The following ATP13A5 variants were observed in gnomAD, a reference collection of about 807,000 sequenced individuals.
ATP13A5 encodes the protein probable cation-transporting ATPase 13A5.
Under a neutral mutation model 150.2 loss-of-function variants are expected in ATP13A5, and 149 were observed. The observed-to-expected ratio is 0.99, with a 90% CI of 0.87 to 1.14. The LOEUF (loss-of-function observed/expected upper bound fraction) is 1.14. Ranked by LOEUF, ATP13A5 falls within the 50% of genes most tolerant of loss-of-function variation. ATP13A5 has a pLI of 0.00. For missense variants in ATP13A5, 1,383 were observed against 1,449.3 expected, an observed-to-expected ratio of 0.95 and a Z score of 0.74; for synonymous variants, 497 against 522.2, an observed-to-expected ratio of 0.95 and a Z score of 0.66.
intron 27 of ATP13A5, among the ~76,000 whole-genome samples, chr3:193,284,060 G>T (rs1167695569): frequency 1.3e-5 from 2 of 150,900 alleles, no homozygotes; most frequent in East Asian, 3.9e-4. Context: ...TTGCTCTGTT[G>T]CCCAGGCTGG....
chr3:193,288,732 ACAAAG>A (rs1391035262), intron 26 of ATP13A5, among the ~76,000 whole-genome samples: 3 of 152,088 alleles, frequency 2.0e-5, no homozygotes, highest in Non-Finnish European at 2.9e-5. Flanking sequence ...TTCCATAGTC[ACAAAG>A]CATTTTTACA....
At chr3:193,378,228 A>G (rs529961859) in intron 1 of ATP13A5, among the ~76,000 whole-genome samples, 1 of 152,250 alleles carries the variant, frequency 6.6e-6, no homozygotes, top group South Asian at 2.1e-4. Flanking sequence ...TGCGCTTATA[A>G]AAAGCATGAC....
chr3:193,315,117 C>A, intron 17 of ATP13A5, 21 bp from the exon 18 acceptor site: 1 of 1,603,396 alleles, frequency 6.2e-7, no homozygotes, highest in Non-Finnish European at 8.5e-7. Flanking sequence ...AGGAGAAAAT[C>A]AATATTAAAG....
At chr3:193,313,832 G>T in intron 19 of ATP13A5, 1 of 581,506 alleles carries the variant, frequency 1.7e-6, no homozygotes, top group Non-Finnish European at 3.0e-6. Flanking sequence ...GGTGCAGCCT[G>T]CACTGGAAGC....
At chr3:193,326,613 A>G (rs1719474675) in intron 13 of ATP13A5, among the ~76,000 whole-genome samples, 1 of 152,198 alleles carries the variant, frequency 6.6e-6, no homozygotes, top group Non-Finnish European at 1.5e-5. Flanking sequence ...TGTGTTGTAC[A>G]TCAAAGGTGG....
chr3:193,331,077 A>G, intron 12 of ATP13A5, 46 bp downstream of exon 12: 1 of 1,567,646 alleles, frequency 6.4e-7, no homozygotes, highest in South Asian at 1.2e-5. Flanking sequence ...CAGCTCCACC[A>G]TGCCTTGAAA....
At chr3:193,340,855 A>G (rs972460405) in intron 9 of ATP13A5, among the ~76,000 whole-genome samples, 1 of 152,188 alleles carries the variant, frequency 6.6e-6, no homozygotes, top group Non-Finnish European at 1.5e-5. Flanking sequence ...TCAGCTCCAC[A>G]AGGGCAGAAA....
At chr3:193,311,974 C>T (rs1219821523) in intron 19 of ATP13A5, 33 bp from the exon 20 acceptor site, 3 of 1,609,664 alleles carry the variant, frequency 1.9e-6, no homozygotes, top group African/African-American at 2.7e-5. Flanking sequence ...TCTACATTGA[C>T]TCCTAAGGAG....
chr3:193,276,354 TCTC>T (rs1446527198), intron 29 of ATP13A5, among the ~76,000 whole-genome samples: 2 of 152,214 alleles, frequency 1.3e-5, no homozygotes, highest in Non-Finnish European at 2.9e-5. Context: ...AGCAACGGCT[TCTC>T]CTCTTTCTTA....
chr3:193,321,762 G>A lies in ATP13A5; in HGVS notation c.1834C>T (p.Gln612Ter), dbSNP rs139981143. ...TGGAAATGATTCTCCCCAGCTAGCT[G>A]AGCGATCACGGACATCCTCTGCAGG... Reference protein sequence around the residue: ...SSLQRMSVIAQLAGENHFHVY... With the variant: ...SSLQRMSVIA Residue 612 changes from glutamine (Q) to a stop codon, truncating the protein, a stop_gained, in exon 16 of 30, where the codon CAG becomes TAG. Transcript: ENST00000342358. LOFTEE classifies it high-confidence loss of function. 58 of 1,614,066 alleles carry A rather than the reference G, an allele frequency of 3.6e-5. No homozygotes were observed. The highest frequency in any genetic ancestry group is 4.8e-5 in the Non-Finnish European group (57 of 1,180,034).
intron 20 of ATP13A5, 140 bp from the exon 21 acceptor site, chr3:193,310,857 G>A: frequency 1.8e-6 from 1 of 545,382 alleles, no homozygotes; most frequent in Non-Finnish European, 3.2e-6. Flanking sequence ...ATACCAGGAA[G>A]GGAAATAAGG....
chr3:193,287,969 G>A (rs562485508), intron 26 of ATP13A5, among the ~76,000 whole-genome samples: 1 of 152,208 alleles, frequency 6.6e-6, no homozygotes, highest in South Asian at 2.1e-4. Context: ...TGACTTTTTG[G>A]GGTTCAAGAC....
At position 193,364,533 on chromosome 3, in the gene ATP13A5, T is replaced by G. The variant is rs1009384909; in HGVS notation, c.64-253A>C. On this transcript the variant is annotated intron_variant, in intron 1 of 29. Coordinates refer to ENST00000342358, the MANE Select transcript of ATP13A5 (RefSeq NM_198505.4). Reference sequence around the variant, plus strand: ...GTATGGAAAGGGCAGATTTATTTGCTTCTATATATTCATAAGAGTCACCTC... The same window carrying G: ...GTATGGAAAGGGCAGATTTATTTGCGTCTATATATTCATAAGAGTCACCTC... Among the ~76,000 whole-genome samples, 7 of 152,300 alleles carry G rather than the reference T, an allele frequency of 4.6e-5. No homozygotes were observed. The South Asian group carries it at 1.5e-3, about 32-fold the overall frequency.
At chr3:193,303,425 A>G (rs552304302) in intron 23 of ATP13A5, among the ~76,000 whole-genome samples, 7 of 152,314 alleles carry the variant, frequency 4.6e-5, no homozygotes, top group African/African-American at 1.4e-4. Flanking sequence ...CGTCCCATGT[A>G]TCAGACATTG....
chr3:193,328,741 T>C (rs899733039), intron 12 of ATP13A5, among the ~76,000 whole-genome samples: 32 of 152,174 alleles, frequency 2.1e-4, no homozygotes, highest in African/African-American at 7.5e-4. Flanking sequence ...ACAGAAGTTA[T>C]AACAAACCAA....
intron 12 of ATP13A5, among the ~76,000 whole-genome samples, chr3:193,329,240 A>G (rs985783465): frequency 3.8e-5 from 4 of 104,534 alleles, no homozygotes; most frequent in African/African-American, 1.1e-4. Flanking sequence ...ACTCCATCTC[A>G]AAAGAAAAAA....
intron 11 of ATP13A5, among the ~76,000 whole-genome samples, chr3:193,333,172 AAC>A (rs57775933): frequency 0.011 from 1,546 of 142,600 alleles, 21 homozygotes; most frequent in African/African-American, 0.035. Flanking sequence ...CACACACACA[AAC>A]ACACACACAC....
At position 193,362,830 on chromosome 3, in the gene ATP13A5, T is replaced by C. The variant is rs1050931894; in HGVS notation, c.385-193A>G. Among the ~76,000 whole-genome samples the C allele has an allele frequency of 3.3e-5, 5 of 151,454 alleles. 1 individual carries two copies. Among genetic ancestry groups the C allele is most frequent in the Admixed American group, 2.0e-4 (3 of 15,168 alleles). ...CTTTCTTTCAGACAGGGTCTCACTC[T>C]GTCACCCAGGCTGGAGTGCAGTGGC... On this transcript the variant is annotated intron_variant, in intron 3 of 29. Coordinates refer to ENST00000342358, the MANE Select transcript of ATP13A5 (RefSeq NM_198505.4).
intron 28 of ATP13A5, among the ~76,000 whole-genome samples, chr3:193,278,192 C>G (rs1205663745): frequency 3.3e-5 from 5 of 152,198 alleles, no homozygotes; most frequent in African/African-American, 1.2e-4. Flanking sequence ...CTTTGTAACT[C>G]TAGTACCAAA....
Sources: gnomAD v4.1 joint callset for allele counts (sites outside exome capture counted in the v4.1 genomes callset) on GRCh38, gnomAD v4.1.1 for gene constraint, MANE v1.5 for transcripts, NCBI Gene and HGNC (gene_info 2026-07-23, HGNC 2026-07-21) for gene names.